Variants in BABAM2 observed in about 807,000 individuals in gnomAD.
BABAM2 encodes the protein BRISC and BRCA1 A complex member 2, also known as BRISC and BRCA1-A complex member 2.
A neutral mutation model predicts 54.7 loss-of-function variants in BABAM2; 31 were observed. The ratio of observed to expected loss-of-function variants is 0.57; its 90% CI spans 0.43 to 0.77. BABAM2 has a LOEUF of 0.77. BABAM2 is among the 30% of genes least tolerant of loss of function. The pLI is 0.00. For missense variants in BABAM2, 364 were observed against 455.8 expected, an observed-to-expected ratio of 0.80 and a Z score of 1.83; for synonymous variants, 167 against 162.9, an observed-to-expected ratio of 1.03 and a Z score of -0.19.
At chr2:27,935,112 A>G (rs553455067) in intron 3 of BABAM2, among the ~76,000 whole-genome samples, 4 of 152,346 alleles carry the variant, frequency 2.6e-5, no homozygotes, top group African/African-American at 9.6e-5. Flanking sequence ...CCTGGCCTCA[A>G]AGGATAGACT....
chr2:28,178,994 A>G (rs947219791), intron 7 of BABAM2, among the ~76,000 whole-genome samples: 1 of 152,182 alleles, frequency 6.6e-6, no homozygotes, highest in African/African-American at 2.4e-5. Context: ...TGAATCCGTA[A>G]TAAAAACTCT....
At chr2:28,099,858 C>T (rs995334574) in intron 6 of BABAM2, among the ~76,000 whole-genome samples, 1 of 151,980 alleles carries the variant, frequency 6.6e-6, no homozygotes, top group Non-Finnish European at 1.5e-5. Flanking sequence ...CTTTTATCCT[C>T]TTGTGGTCTT....
In BABAM2 at chr2:28,026,961, T is replaced by TATATATAA. The variant is rs1558668123; in HGVS notation, c.495+1548_495+1549insAATATATA. On this transcript the variant is annotated intron_variant, in intron 5 of 11. Coordinates refer to ENST00000379624, the MANE Select transcript of BABAM2 (RefSeq NM_199191.3). ...ATAAATATATATTAATATATATAAA[T>TATATATAA]ATATATATAAATATATAAATATATA... Among the ~76,000 whole-genome samples, 26 of 83,200 alleles carry TATATATAA rather than the reference T, an allele frequency of 3.1e-4. 3 individuals are homozygous for TATATATAA. The highest frequency in any genetic ancestry group is 2.0e-3 in the Admixed American group (9 of 4,496). The allele number at this position is 83,200 out of a possible 152,430, so 54.6% of individuals were successfully genotyped here.
At chr2:28,276,815 G>C (rs570841525) in intron 10 of BABAM2, among the ~76,000 whole-genome samples, 1 of 152,148 alleles carries the variant, frequency 6.6e-6, no homozygotes, top group African/African-American at 2.4e-5. Context: ...CACTCTTTAC[G>C]TATGTTAGGG....
intron 6 of BABAM2, among the ~76,000 whole-genome samples, chr2:28,120,645 A>T (rs965782242): frequency 6.6e-6 from 1 of 152,260 alleles, no homozygotes; most frequent in East Asian, 1.9e-4. Context: ...CACGGAATAA[A>T]TGTTAGCTGA....
intron 9 of BABAM2, among the ~76,000 whole-genome samples, chr2:28,242,866 G>T (rs1410444313): frequency 1.3e-5 from 2 of 151,864 alleles, no homozygotes; most frequent in Non-Finnish European, 2.9e-5. Flanking sequence ...TTTCAGCTTT[G>T]TGAACATTTT....
intron 6 of BABAM2, among the ~76,000 whole-genome samples, chr2:28,086,532 G>A (rs1005217771): frequency 7.2e-5 from 11 of 152,076 alleles, no homozygotes; most frequent in African/African-American, 1.7e-4. Flanking sequence ...GTTTTTTTGC[G>A]TCTAACCTAG....
chr2:28,280,495 A>G (rs940671128), intron 10 of BABAM2, among the ~76,000 whole-genome samples: 2 of 151,994 alleles, frequency 1.3e-5, no homozygotes, highest in African/African-American at 4.8e-5. Flanking sequence ...CAGACAAACA[A>G]CTCTCTTTTT....
chr2:27,961,608 G>T (rs1670474280), intron 3 of BABAM2, among the ~76,000 whole-genome samples: 1 of 152,066 alleles, frequency 6.6e-6, no homozygotes, highest in Non-Finnish European at 1.5e-5. Context: ...ATTGTAAGTT[G>T]AGGAGTATCT....
intron 5 of BABAM2, among the ~76,000 whole-genome samples, chr2:28,038,807 C>T (rs10200337): frequency 0.23 from 35,131 of 152,062 alleles, 4,287 homozygotes; most frequent in South Asian, 0.44. Context: ...AGGTAGTTTC[C>T]ATGTCTTTGT....
chr2:28,336,756 C>T (rs1019831637), intron 11 of BABAM2, among the ~76,000 whole-genome samples: 4 of 152,240 alleles, frequency 2.6e-5, no homozygotes, highest in Admixed American at 6.5e-5. Flanking sequence ...GGCGGGCAGC[C>T]GGTGGCACCA....
chr2:28,208,096 G>T (rs1315094410), intron 7 of BABAM2, among the ~76,000 whole-genome samples: 1 of 151,554 alleles, frequency 6.6e-6, no homozygotes, highest in African/African-American at 2.4e-5. Flanking sequence ...TGAGAATGGG[G>T]TTGATCACCT....
At chr2:28,070,879 A>G (rs573829646) in intron 6 of BABAM2, among the ~76,000 whole-genome samples, 1 of 152,276 alleles carries the variant, frequency 6.6e-6, no homozygotes, top group Admixed American at 6.5e-5. Flanking sequence ...GTTTTTATAT[A>G]CCTTTAGAAA....
chr2:28,006,535 A>T (rs1272999016), intron 4 of BABAM2, among the ~76,000 whole-genome samples: 17 of 152,094 alleles, frequency 1.1e-4, no homozygotes, highest in Non-Finnish European at 1.5e-5. Flanking sequence ...AGCAACAAGG[A>T]TTCTAAAGGT....
In BABAM2 at chr2:27,989,007, A is replaced by G. The variant is rs543124803; in HGVS notation, c.300+920A>G. Among the ~76,000 whole-genome samples, 16 of 152,332 alleles carry G rather than the reference A, an allele frequency of 1.1e-4. No homozygotes were observed. The South Asian group carries it at 2.3e-3, about 22-fold the overall frequency. Reference sequence around the variant, plus strand: ...AAACAGGAAGTAGTAACCCAAACCTAAAGTATTGTCTTAAACATTAGAACA... The same window carrying G: ...AAACAGGAAGTAGTAACCCAAACCTGAAGTATTGTCTTAAACATTAGAACA... On this transcript the variant is annotated intron_variant, in intron 4 of 11. Coordinates refer to ENST00000379624, the MANE Select transcript of BABAM2 (RefSeq NM_199191.3).
At chr2:28,075,271 G>A (rs1204606671) in intron 6 of BABAM2, among the ~76,000 whole-genome samples, 1 of 152,178 alleles carries the variant, frequency 6.6e-6, no homozygotes, top group Admixed American at 6.5e-5. Context: ...CTGCACCTCT[G>A]TAAAAGCTGA....
chr2:27,897,486 A>G (rs748987977), intron 2 of BABAM2, among the ~76,000 whole-genome samples: 1 of 152,146 alleles, frequency 6.6e-6, no homozygotes. Context: ...TGTTGAGGCA[A>G]GAGGATTTGG....
chr2:28,143,509 C>A (rs1026882845), intron 7 of BABAM2, among the ~76,000 whole-genome samples: 1 of 152,016 alleles, frequency 6.6e-6, no homozygotes, highest in African/African-American at 2.4e-5. Context: ...GTGCTTTTAA[C>A]ACACACACAA....
At chr2:27,982,464 TGTA>T (rs1303472349) in intron 3 of BABAM2, among the ~76,000 whole-genome samples, 2 of 152,238 alleles carry the variant, frequency 1.3e-5, no homozygotes, top group East Asian at 3.9e-4. Flanking sequence ...TGAAGAATCT[TGTA>T]GTTTTTTGCT....
Sources: gnomAD v4.1 joint callset for allele counts (sites outside exome capture counted in the v4.1 genomes callset) on GRCh38, gnomAD v4.1.1 for gene constraint, MANE v1.5 for transcripts, NCBI Gene and HGNC (gene_info 2026-07-23, HGNC 2026-07-21) for gene names.